Variants in DPP10 observed in about 807,000 individuals in gnomAD.
The protein encoded by DPP10 is inactive dipeptidyl peptidase 10.
Under a neutral mutation model 120.9 loss-of-function variants are expected in DPP10, and 33 were observed. The ratio of observed to expected loss-of-function variants is 0.27; its 90% confidence interval spans 0.21 to 0.37. The LOEUF is 0.37. Ranked by LOEUF, DPP10 falls within the 10% of genes least tolerant of loss-of-function variation. DPP10 has a pLI of 1.00. For synonymous variants in DPP10, 337 were observed against 326.1 expected (o/e 1.03, Z -0.36); for missense variants, 816 against 942.8 (o/e 0.87, Z 1.76).
intron 1 of DPP10, among the ~76,000 whole-genome samples, chr2:114,854,697 C>G (rs1266709334): frequency 1.3e-5 from 2 of 152,108 alleles, no homozygotes; most frequent in Admixed American, 6.6e-5. Flanking sequence ...GGATAGAGCT[C>G]CAGAATATTG....
chr2:115,270,484 T>G (rs868852633), intron 1 of DPP10, among the ~76,000 whole-genome samples: 1 of 152,160 alleles, frequency 6.6e-6, no homozygotes, highest in Admixed American at 6.6e-5. Context: ...ATTGGCTAAT[T>G]TAAAGACAAC....
At chr2:115,809,754 A>C (rs1329214932) in intron 19 of DPP10, among the ~76,000 whole-genome samples, 1 of 152,212 alleles carries the variant, frequency 6.6e-6, no homozygotes, top group Non-Finnish European at 1.5e-5. Flanking sequence ...ACAGGTAAGC[A>C]GCTGACAAAT....
intron 1 of DPP10, among the ~76,000 whole-genome samples, chr2:115,019,395 G>T (rs1406727751): frequency 2.0e-5 from 3 of 151,964 alleles, no homozygotes; most frequent in Non-Finnish European, 4.4e-5. Flanking sequence ...CTCAGCAAGA[G>T]AATCAAATAA....
At chr2:114,608,362 G>T (rs1345769516) in intron 1 of DPP10, among the ~76,000 whole-genome samples, 3 of 152,104 alleles carry the variant, frequency 2.0e-5, no homozygotes, top group African/African-American at 7.2e-5. Flanking sequence ...AAAAATAATG[G>T]TAAGATGATC....
At chr2:114,979,905 G>A (rs769741948) in intron 1 of DPP10, among the ~76,000 whole-genome samples, 4 of 151,994 alleles carry the variant, frequency 2.6e-5, no homozygotes, top group South Asian at 2.1e-4. Flanking sequence ...GCCTGCTGGC[G>A]CAAAAGTCGG....
At position 115,228,062 on chromosome 2, in the gene DPP10, A is replaced by G. The variant is rs545234830; in HGVS notation, c.61-81177A>G. Among the ~76,000 whole-genome samples the G allele has an allele frequency of 2.8e-4, 42 of 151,910 alleles. 1 individual carries two copies. The highest frequency in any genetic ancestry group is 1.0e-3 in the African/African-American group (42 of 41,414). On this transcript the variant is annotated intron_variant, in intron 1 of 25. Transcript: ENST00000410059. ...TACGGCCTCCTGAGTGGTTGGGACT[A>G]CAGGTGTGCACTATTATGCCTTGCT... is the stretch of plus-strand genomic sequence containing the variant.
chr2:114,673,794 A>G (rs1698499868), intron 1 of DPP10, among the ~76,000 whole-genome samples: 1 of 152,120 alleles, frequency 6.6e-6, no homozygotes, highest in African/African-American at 2.4e-5. Flanking sequence ...TTCTTATTCT[A>G]TGAAATACAC....
intron 1 of DPP10, among the ~76,000 whole-genome samples, chr2:114,940,633 A>C (rs1332820068): frequency 5.3e-5 from 8 of 152,118 alleles, no homozygotes; most frequent in Non-Finnish European, 1.5e-5. Flanking sequence ...AGCATAGCAA[A>C]CCCCAGATCA....
At chr2:114,896,262 T>G (rs1692981115) in intron 1 of DPP10, among the ~76,000 whole-genome samples, 1 of 152,226 alleles carries the variant, frequency 6.6e-6, no homozygotes, top group Non-Finnish European at 1.5e-5. Context: ...TTTTTCCAAT[T>G]CTGTGAAGAA....
intron 1 of DPP10, among the ~76,000 whole-genome samples, chr2:114,601,826 C>T (rs953304115): frequency 6.6e-6 from 1 of 151,910 alleles, no homozygotes; most frequent in African/African-American, 2.4e-5. Flanking sequence ...GTCATTACTT[C>T]ATAGTTGGGA....
intron 1 of DPP10, among the ~76,000 whole-genome samples, chr2:115,043,958 G>T (rs2105313190): frequency 1.3e-5 from 2 of 152,246 alleles, no homozygotes; most frequent in South Asian, 4.1e-4. Context: ...GAGATATTTT[G>T]ATACAGGCAT....
chr2:115,002,520 G>T (rs531661417), intron 1 of DPP10, among the ~76,000 whole-genome samples: 68 of 141,238 alleles, frequency 4.8e-4, no homozygotes, highest in African/African-American at 1.6e-3. Flanking sequence ...TTGATAAATG[G>T]CATCTAATTG....
intron 3 of DPP10, among the ~76,000 whole-genome samples, chr2:115,387,666 A>G (rs11123302): frequency 0.7 from 105,722 of 152,008 alleles, 37,178 homozygotes; most frequent in Admixed American, 0.79. Context: ...TGAAATTCAA[A>G]CTTAATTGGG....
intron 1 of DPP10, chr2:115,144,762 A>G (rs939398518): frequency 2.6e-5 from 4 of 151,886 alleles, no homozygotes; most frequent in African/African-American, 7.2e-5. Context: ...ACATGTATAT[A>G]TATGTAACTA....
intron 1 of DPP10, chr2:115,161,352 C>T (rs2052319775): frequency 6.6e-6 from 1 of 152,208 alleles, no homozygotes. Flanking sequence ...CTGGAGCCAC[C>T]CAGTGCTTCG....
intron 1 of DPP10, among the ~76,000 whole-genome samples, chr2:114,638,388 T>C (rs934280286): frequency 6.6e-6 from 1 of 151,680 alleles, no homozygotes; most frequent in Non-Finnish European, 1.5e-5. Context: ...ACCATACATC[T>C]AACGAAGGAC....
chr2:115,815,507 T>G (rs1369047623), intron 20 of DPP10, among the ~76,000 whole-genome samples, 168 bp from the exon 21 acceptor site: 1 of 152,182 alleles, frequency 6.6e-6, no homozygotes, highest in Non-Finnish European at 1.5e-5. Flanking sequence ...GCCATCACTT[T>G]GAGTAGCAAG....
intron 1 of DPP10, among the ~76,000 whole-genome samples, chr2:114,988,289 T>G (rs1700546770): frequency 6.6e-6 from 1 of 152,226 alleles, no homozygotes; most frequent in Admixed American, 6.5e-5. Context: ...TCCTACCTAC[T>G]TCTTATTCAG....
chr2:114,662,037 G>A (rs964177721), intron 1 of DPP10, among the ~76,000 whole-genome samples: 4 of 151,380 alleles, frequency 2.6e-5, no homozygotes, highest in African/African-American at 4.8e-5. Flanking sequence ...GGGCTCTCCA[G>A]GCCGCGCCCC....
Sources: gnomAD v4.1 joint callset for allele counts (sites outside exome capture counted in the v4.1 genomes callset) on GRCh38, gnomAD v4.1.1 for gene constraint, MANE v1.5 for transcripts, NCBI Gene and HGNC (gene_info 2026-07-23, HGNC 2026-07-21) for gene names.